Variants in GNAS observed in about 807,000 individuals in gnomAD.
GNAS encodes protein ALEX.
In GNAS, 8 loss-of-function variants were observed where a neutral mutation model predicts 54.5. The ratio of observed to expected loss-of-function variants is 0.15; its 90% confidence interval spans 0.09 to 0.26. The LOEUF (loss-of-function observed/expected upper bound fraction) is 0.26. Among genes scored for constraint, GNAS ranks in the 10% least tolerant of loss-of-function variants. GNAS has a pLI of 1.00. For synonymous variants in GNAS, 204 were observed against 191.4 expected (o/e 1.07, Z -0.54); for missense variants, 170 against 529.8 (o/e 0.32, Z 6.67).
At chr20:58,858,452 GA>G (rs529792195) in intron 1 of GNAS, among the ~76,000 whole-genome samples, 1 of 152,122 alleles carries the variant, frequency 6.6e-6, no homozygotes, top group Non-Finnish European at 1.5e-5. Context: ...TCTTTTTAAA[GA>G]AGCCTTTTTC....
At chr20:58,866,649 CTTTCTATAGAGT>C (rs1439256992) in intron 1 of GNAS, among the ~76,000 whole-genome samples, 2 of 152,126 alleles carry the variant, frequency 1.3e-5, no homozygotes, top group African/African-American at 4.8e-5. Flanking sequence ...CCCATTTGGT[CTTTCTATAGAGT>C]TTTCAGATTG....
At chr20:58,872,546 T>TTTCC (rs2087540115) in intron 1 of GNAS, among the ~76,000 whole-genome samples, 1 of 152,202 alleles carries the variant, frequency 6.6e-6, no homozygotes. Context: ...TTTTTTTCTT[T>TTTCC]TTCCTTCCTT....
chr20:58,841,645 G>A lies in GNAS; in HGVS notation c.43+759G>A. On this transcript the variant is annotated intron_variant, in intron 1 of 12. Transcript: ENST00000306090. This position sits in a 1 kb window ranked among gnomAD's most constrained non-coding sequence, Gnocchi z 5.0. ...GCGCCGGAGCTGACCTCTCCCGGCG[G>A]CGGGCGGTTAGGGGAAAGTACCTGG... The A allele has an allele frequency of 2.7e-6, 3 of 1,107,986 alleles. No homozygotes were observed. Among genetic ancestry groups the A allele is most frequent in the Non-Finnish European group, 3.3e-6 (3 of 909,106 alleles). 68.6% of individuals were successfully genotyped at this position (1,107,986 alleles called of 1,614,324 possible).
At chr20:58,885,587 A>G (rs2088537745) in intron 1 of GNAS, among the ~76,000 whole-genome samples, 1 of 152,086 alleles carries the variant, frequency 6.6e-6, no homozygotes, top group South Asian at 2.1e-4. Flanking sequence ...GGGTTACTTT[A>G]TGGTTGGAGT....
At chr20:58,881,780 G>T (rs561322006) in intron 1 of GNAS, 1 of 152,256 alleles carries the variant, frequency 6.6e-6, no homozygotes, top group East Asian at 1.9e-4. Context: ...TTATTTCTTG[G>T]TGTTAGGTCA....
intron 1 of GNAS, chr20:58,854,048 G>C (rs545066346): frequency 4.3e-6 from 7 of 1,610,964 alleles, no homozygotes; most frequent in East Asian, 4.5e-5. Context: ...TCGCGGCCTC[G>C]AGTGCGGTCC....
At chr20:58,851,328 C>T (rs551837496) in intron 1 of GNAS, among the ~76,000 whole-genome samples, 3 of 152,246 alleles carry the variant, frequency 2.0e-5, no homozygotes, top group African/African-American at 7.2e-5. Flanking sequence ...TCGCAACTTG[C>T]GGTGGTTCGC....
chr20:58,893,066 CTTT>C (rs869179421), intron 1 of GNAS, among the ~76,000 whole-genome samples: 1,430 of 102,978 alleles, frequency 0.014, 10 homozygotes, highest in African/African-American at 0.055. Flanking sequence ...GGCGTGGTTT[CTTT>C]TTTTTTTTTT....
chr20:58,848,207 G>A (rs898796125), intron 1 of GNAS, among the ~76,000 whole-genome samples: 2 of 152,294 alleles, frequency 1.3e-5, no homozygotes, highest in East Asian at 3.9e-4. Flanking sequence ...AAGTAGCCAA[G>A]TATACACAAT....
intron 2 of GNAS, among the ~76,000 whole-genome samples, chr20:58,896,295 A>G (rs2090044140): frequency 6.6e-6 from 1 of 152,190 alleles, no homozygotes; most frequent in Non-Finnish European, 1.5e-5. Context: ...ACAAAAAACA[A>G]ATCAGTACCC....
chr20:58,889,387 G>A (rs1600933849), upstream of GNAS: 1 of 983,728 alleles, frequency 1.0e-6, no homozygotes, highest in Non-Finnish European at 1.2e-6. Context: ...TCCCGCGGAA[G>A]TGCGAGTCGC....
chr20:58,845,976 A>G (rs956277538), intron 1 of GNAS, among the ~76,000 whole-genome samples: 1 of 152,190 alleles, frequency 6.6e-6, no homozygotes, highest in Non-Finnish European at 1.5e-5. Flanking sequence ...TAAGTATGTT[A>G]CAAATTAGCA....
At chr20:58,858,097 T>C (rs2086590777) in intron 1 of GNAS, among the ~76,000 whole-genome samples, 2 of 152,204 alleles carry the variant, frequency 1.3e-5, no homozygotes, top group South Asian at 4.1e-4. Flanking sequence ...ACCTGAATTA[T>C]TGATGGGGGA....
At position 58,841,957 on chromosome 20, in the gene GNAS, G is replaced by A. The variant is rs747997073; in HGVS notation, c.43+1071G>A. ...CTTACAATTCGTTTCCAAAGAGCGCGGTACGCGCAGAGCTGGGGAAAGGTG... is the reference window on the plus strand; with the variant it reads ...CTTACAATTCGTTTCCAAAGAGCGCAGTACGCGCAGAGCTGGGGAAAGGTG... On this transcript the variant is annotated intron_variant, in intron 1 of 12. Coordinates refer to the GNAS transcript ENST00000306090. The surrounding 1 kb of genome is among the most constrained non-coding windows in gnomAD (Gnocchi z 5.0). The A allele has an allele frequency of 6.2e-6, 7 of 1,132,596 alleles. No individual in the cohort carries two copies. Among genetic ancestry groups the A allele is most frequent in the Non-Finnish European group, 7.8e-6 (7 of 897,426 alleles). The allele number at this position is 1,132,596 out of a possible 1,614,324, so 70.2% of individuals were successfully genotyped here.
chr20:58,868,298 C>T (rs2087191804), intron 1 of GNAS, among the ~76,000 whole-genome samples: 1 of 152,046 alleles, frequency 6.6e-6, no homozygotes, highest in South Asian at 2.1e-4. Context: ...GGATTACAGG[C>T]GTGAGCCACC....
rs1264232456 is a variant in GNAS, at chr20:58,909,336, C to T, written c.586-14C>T. The T allele has an allele frequency of 2.5e-6, 4 of 1,610,628 alleles. No homozygotes were observed. Among genetic ancestry groups the T allele is most frequent in the East Asian group, 2.2e-5 (1 of 44,874 alleles). ...TGGCTTTGGTGAGATCCATTGACCTCAATTTTGTTTCAGGACCTGCTTCGC... is the reference window on the plus strand; with the variant it reads ...TGGCTTTGGTGAGATCCATTGACCTTAATTTTGTTTCAGGACCTGCTTCGC... On this transcript the variant is annotated splice_polypyrimidine_tract_variant and intron_variant, in intron 7 of 12. Coordinates refer to ENST00000371085, the MANE Select transcript of GNAS (RefSeq NM_000516.7). The surrounding 1 kb of genome is among the most constrained non-coding windows in gnomAD (Gnocchi z 7.3).
At chr20:58,893,322 G>T (rs762593562) in intron 1 of GNAS, among the ~76,000 whole-genome samples, 3 of 151,738 alleles carry the variant, frequency 2.0e-5, no homozygotes, top group Non-Finnish European at 4.4e-5. Context: ...TTAAGGTGCT[G>T]TTTTGGGGGA....
Position 58,854,602 on chromosome 20 carries a change from C to T in GNAS, c.43+13716C>T, listed in dbSNP as rs768913727. 6 of 1,540,190 alleles carry T rather than the reference C, an allele frequency of 3.9e-6. No homozygotes were observed. The African/African-American group carries it at 4.1e-5, about 11-fold the overall frequency. On this transcript the variant is annotated intron_variant, in intron 1 of 12. Coordinates refer to the GNAS transcript ENST00000306090. The stretch of plus-strand genomic sequence containing the variant: ...CCAGCCGATCCCGACTCCGGGGCGG[C>T]CCCTGACGCCCCAGCCGATCCCGAC...
chr20:58,876,629 C>T (rs1240791359), intron 1 of GNAS: 3 of 152,166 alleles, frequency 2.0e-5, no homozygotes, highest in African/African-American at 2.4e-5. Context: ...CACACAAGCA[C>T]GTAGGCCAGC....
Sources: gnomAD v4.1 joint callset for allele counts (sites outside exome capture counted in the v4.1 genomes callset) on GRCh38, gnomAD v4.1.1 for gene constraint, Gnocchi (gnomAD v3.1) non-coding constraint, MANE v1.5 for transcripts, NCBI Gene and HGNC (gene_info 2026-07-23, HGNC 2026-07-21) for gene names.